MED12L: variants seen among roughly 807,000 people sequenced by gnomAD.
MED12L encodes mediator of RNA polymerase II transcription subunit 12-like protein.
MED12L carries 60 observed loss-of-function variants against 281.3 expected under a neutral mutation model. The observed-to-expected ratio is 0.21, with a 90% confidence interval of 0.17 to 0.26. The LOEUF (loss-of-function observed/expected upper bound fraction) is 0.26, where lower values mean the gene tolerates loss of function less well. Among genes scored for constraint, MED12L ranks in the 10% least tolerant of loss-of-function variants. MED12L has a pLI of 1.00. For synonymous variants in MED12L, 974 were observed against 987.2 expected (o/e 0.99, Z 0.25); for missense variants, 2,146 against 2,680.9 (o/e 0.80, Z 4.41).
intron 16 of MED12L, among the ~76,000 whole-genome samples, chr3:151,313,611 C>G (rs142138303): frequency 6.6e-6 from 1 of 151,888 alleles, no homozygotes; most frequent in African/African-American, 2.4e-5. Flanking sequence ...TTTGGGAGGC[C>G]GAGATGGGTG....
chr3:151,152,884 T>A (rs1560098922), intron 5 of MED12L, among the ~76,000 whole-genome samples: 1 of 152,170 alleles, frequency 6.6e-6, no homozygotes, highest in African/African-American at 2.4e-5. Context: ...TTTGTGAGCC[T>A]CACTTCATTT....
intron 5 of MED12L, among the ~76,000 whole-genome samples, chr3:151,136,004 G>A (rs572392305): frequency 3.9e-5 from 6 of 152,120 alleles, no homozygotes; most frequent in African/African-American, 7.2e-5. Context: ...AAAATGCTTC[G>A]TGGTTAAACT....
In MED12L at chr3:151,382,718, C is replaced by A; in HGVS notation, c.4653C>A (p.His1551Gln). 1 of 1,612,028 alleles carries A rather than the reference C, an allele frequency of 6.2e-7. No individual in the cohort carries two copies. Among genetic ancestry groups the A allele is most frequent in the Non-Finnish European group, 8.5e-7 (1 of 1,178,960 alleles). The change falls in exon 33 of 45, where the codon CAC becomes CAA. Residue 1551 changes from histidine to glutamine, a missense_variant. His to Gln is a conservative substitution (Grantham distance 24). Transcript: ENST00000687756. ...ACATAAAAGCGCGGCAGATGATGCA[C>A]GAAGCATTGCAACTCCGCCTAAATT... ...QDDIKARQMMHEALQLRLNLV... is the reference protein window; with the variant it reads ...QDDIKARQMMQEALQLRLNLV...
At chr3:151,102,419 C>T (rs773562573) in intron 2 of MED12L, among the ~76,000 whole-genome samples, 18 of 152,134 alleles carry the variant, frequency 1.2e-4, no homozygotes, top group Admixed American at 2.0e-4. Flanking sequence ...CAAAATTATA[C>T]GTTTAGCCCG....
chr3:151,386,865 C>T (rs1244892549), intron 36 of MED12L, among the ~76,000 whole-genome samples: 2 of 151,994 alleles, frequency 1.3e-5, no homozygotes, highest in African/African-American at 4.8e-5. Flanking sequence ...TGAGCCACCA[C>T]ACCTAGCCTT....
chr3:151,162,457 C>T (rs1240469957), intron 8 of MED12L, among the ~76,000 whole-genome samples: 5 of 151,810 alleles, frequency 3.3e-5, no homozygotes, highest in Admixed American at 3.3e-4. Context: ...CTCTGTTGCC[C>T]ATGCTGGAGG....
At position 151,434,856 on chromosome 3, in the gene MED12L, T is replaced by G. The variant is rs1198946330; in HGVS notation, c.*2052T>G. 6.6e-6 allele frequency: 1 copy of G among 152,232 alleles called. No individual in the cohort carries two copies. The highest frequency in any genetic ancestry group is 2.4e-5 in the African/African-American group (1 of 41,468). 9.4% of individuals were successfully genotyped at this position (152,232 alleles called of 1,614,324 possible). A position where few individuals can be genotyped will look rare whatever the true frequency, so the allele number is the denominator to read the frequency against. On this transcript the variant is annotated 3_prime_UTR_variant, in exon 45 of 45. Transcript: ENST00000687756. The stretch of plus-strand genomic sequence containing the variant: ...TTATACTTTGCAGAGGTGAGTTAAA[T>G]TATTAATCATTTTGCACATGAAAGC...
At chr3:151,395,525 G>A (rs13070270) in intron 39 of MED12L, among the ~76,000 whole-genome samples, 39,393 of 152,022 alleles carry the variant, frequency 0.26, 5,454 homozygotes, top group South Asian at 0.38. Flanking sequence ...ACACCTATGC[G>A]TCTGTACATT....
intron 23 of MED12L, among the ~76,000 whole-genome samples, chr3:151,367,122 T>C (rs1276502354): frequency 6.6e-6 from 1 of 152,180 alleles, no homozygotes; most frequent in Non-Finnish European, 1.5e-5. Context: ...CTGTCCTTTT[T>C]CTTCTTTTTA....
intron 43 of MED12L, chr3:151,425,413 T>G (rs1328323022): frequency 8.0e-6 from 2 of 248,930 alleles, no homozygotes; most frequent in Non-Finnish European, 1.6e-5. Flanking sequence ...TTTTAATTTA[T>G]TTTAGAGACA....
chr3:151,181,324 C>G (rs11719916), intron 11 of MED12L, among the ~76,000 whole-genome samples: 180 of 151,952 alleles, frequency 1.2e-3, no homozygotes, highest in Non-Finnish European at 2.1e-3. Context: ...AAAGTGAAAT[C>G]TATTCTTTTA....
intron 2 of MED12L, among the ~76,000 whole-genome samples, chr3:151,090,649 C>G (rs184654564): frequency 6.6e-6 from 1 of 152,296 alleles, no homozygotes; most frequent in East Asian, 1.9e-4. Context: ...CTGAAAGTAT[C>G]CTTTGCATCT....
At chr3:151,191,006 T>C in intron 14 of MED12L, 75 bp downstream of exon 14, 3 of 1,320,062 alleles carry the variant, frequency 2.3e-6, no homozygotes, top group Admixed American at 3.7e-5. Context: ...ATGGGTCATG[T>C]AGTGGTAGAA....
intron 5 of MED12L, among the ~76,000 whole-genome samples, chr3:151,129,560 A>G (rs982836002): frequency 1.3e-5 from 2 of 152,184 alleles, no homozygotes; most frequent in Admixed American, 6.5e-5. Context: ...CTAAAGTAAT[A>G]CATTTTCATT....
Position 151,117,198 on chromosome 3 carries a change from G to C in MED12L, c.204+756G>C, listed in dbSNP as rs138132013. Among the ~76,000 whole-genome samples, 45 of 151,378 alleles carry C rather than the reference G, an allele frequency of 3.0e-4. No individual in the cohort carries two copies. The East Asian group carries it at 8.5e-3, about 29-fold the overall frequency. Reference sequence around the variant, plus strand: ...TTCTTTTTTTTTCTTTTAATTTGTCGTGTTATAATCCGTACCTTCATTTTT... The same window carrying C: ...TTCTTTTTTTTTCTTTTAATTTGTCCTGTTATAATCCGTACCTTCATTTTT... On this transcript the variant is annotated intron_variant, in intron 3 of 44. Coordinates refer to ENST00000687756, the MANE Select transcript of MED12L (RefSeq NM_001393769.1).
intron 11 of MED12L, among the ~76,000 whole-genome samples, chr3:151,178,946 A>C (rs1242542359): frequency 6.6e-6 from 1 of 152,238 alleles, no homozygotes; most frequent in Non-Finnish European, 1.5e-5. Context: ...ATGTAACATT[A>C]AGACTTTCAA....
chr3:151,364,073 A>C lies in MED12L; in HGVS notation c.2958-906A>C, dbSNP rs150020775. 8.4e-3 allele frequency among the ~76,000 whole-genome samples: 1,278 copies of C among 152,308 alleles called. 10 individuals are homozygous for C. Among genetic ancestry groups the C allele is most frequent in the Non-Finnish European group, 0.014 (984 of 68,018 alleles). On this transcript the variant is annotated intron_variant, in intron 21 of 44. Coordinates refer to ENST00000687756, the MANE Select transcript of MED12L (RefSeq NM_001393769.1). ...CTGCCAAAAACTTAATCTATAAAAC[A>C]GACTTTCTGATGCATAAAAGAGCTT...
chr3:151,139,496 T>A (rs1382747329), intron 5 of MED12L, among the ~76,000 whole-genome samples: 2 of 152,242 alleles, frequency 1.3e-5, no homozygotes, highest in Non-Finnish European at 2.9e-5. Flanking sequence ...TCTCTTGAGC[T>A]AAACATGAAT....
intron 16 of MED12L, chr3:151,294,595 G>A (rs1315214980): frequency 5.6e-6 from 9 of 1,613,984 alleles, no homozygotes; most frequent in East Asian, 4.5e-5. Context: ...TCACCAGCAC[G>A]GCCACAAACA....
Sources: allele counts gnomAD v4.1 joint callset (sites outside exome capture counted in the v4.1 genomes callset), GRCh38; gene constraint gnomAD v4.1.1; transcripts MANE v1.5; gene names NCBI Gene and HGNC (gene_info 2026-07-23, HGNC 2026-07-21).